The following VPS35L variants were observed in gnomAD, a reference collection of about 807,000 sequenced individuals.
The protein encoded by VPS35L is VPS35 endosomal protein sorting factor like.
VPS35L carries 83 observed loss-of-function variants against 133.0 expected under a neutral mutation model. The ratio of observed to expected loss-of-function variants is 0.62; its 90% CI spans 0.52 to 0.75. The LOEUF (loss-of-function observed/expected upper bound fraction) is 0.75. VPS35L is among the 30% of genes least tolerant of loss of function. The pLI is 0.00. For synonymous variants in VPS35L, 423 were observed against 449.9 expected (o/e 0.94, Z 0.76); for missense variants, 1,083 against 1,206.8 (o/e 0.90, Z 1.52).
chr16:19,573,821 T>A (rs1251770400), intron 4 of VPS35L, among the ~76,000 whole-genome samples: 2 of 151,730 alleles, frequency 1.3e-5, no homozygotes, highest in Non-Finnish European at 1.5e-5. Context: ...TCAAAAAAAA[T>A]TAATTAATTA....
At chr16:19,593,286 C>G (rs923090977) in intron 8 of VPS35L, among the ~76,000 whole-genome samples, 9 of 152,126 alleles carry the variant, frequency 5.9e-5, no homozygotes, top group Non-Finnish European at 2.9e-5. Context: ...GAAATAGGGG[C>G]GCCTTCTGAG....
At chr16:19,650,997 A>G (rs1597395519) in intron 25 of VPS35L, among the ~76,000 whole-genome samples, 1 of 150,574 alleles carries the variant, frequency 6.6e-6, no homozygotes, top group Non-Finnish European at 1.5e-5. Context: ...TCCTACCTCA[A>G]CCTCCTGAGT....
intron 26 of VPS35L, among the ~76,000 whole-genome samples, chr16:19,665,969 A>T (rs538350760): frequency 1.7e-3 from 260 of 149,206 alleles, no homozygotes; most frequent in Non-Finnish European, 1.7e-3. Flanking sequence ...TGCCATTTGT[A>T]TTTTTTTTTT....
At chr16:19,695,708 T>C (rs1221671089) in intron 29 of VPS35L, among the ~76,000 whole-genome samples, 1 of 151,858 alleles carries the variant, frequency 6.6e-6, no homozygotes, top group Admixed American at 6.6e-5. Context: ...CTGGGACTAC[T>C]CAGGAGGCTG....
intron 11 of VPS35L, 137 bp downstream of exon 11, chr16:19,609,158 C>T (rs1414659356): frequency 1.4e-5 from 10 of 723,010 alleles, no homozygotes; most frequent in Admixed American, 1.2e-4. Flanking sequence ...TGTTCTTTTT[C>T]TCATTGAATC....
At chr16:19,651,950 C>CA (rs1974141334) in intron 25 of VPS35L, 26 bp from the exon 26 acceptor site, 1 of 1,496,432 alleles carries the variant, frequency 6.7e-7, no homozygotes, top group African/African-American at 1.4e-5. Context: ...GCACTGCTAG[C>CA]GTTAATGTTT....
At position 19,570,834 on chromosome 16, in the gene VPS35L, C is replaced by CATATATATATAT. The variant is rs58794831; in HGVS notation, c.285+1288_285+1299dup. 1.2e-3 allele frequency among the ~76,000 whole-genome samples: 97 copies of CATATATATATAT among 78,768 alleles called. 1 individual carries two copies. Among genetic ancestry groups the CATATATATATAT allele is most frequent in the Non-Finnish European group, 2.0e-3 (72 of 36,026 alleles). 51.7% of individuals were successfully genotyped at this position (78,768 alleles called of 152,430 possible). A position where few individuals can be genotyped will look rare whatever the true frequency, so the allele number is the denominator to read the frequency against. On this transcript the variant is annotated intron_variant, in intron 3 of 30. Coordinates refer to ENST00000417362, the MANE Select transcript of VPS35L (RefSeq NM_020314.7). ...TCGATCATCATCCTATGCTGTGTTT[C>CATATATATATAT]ATATATATATATATATATATATATA...
At chr16:19,696,253 AC>A (rs1975906684) in intron 29 of VPS35L, among the ~76,000 whole-genome samples, 2 of 152,116 alleles carry the variant, frequency 1.3e-5, no homozygotes, top group Admixed American at 1.3e-4. Context: ...GAAGTCTGGT[AC>A]CCCAAGAGCA....
chr16:19,674,895 T>C (rs1212134898), intron 27 of VPS35L, among the ~76,000 whole-genome samples: 1 of 152,194 alleles, frequency 6.6e-6, no homozygotes, highest in Non-Finnish European at 1.5e-5. Context: ...ATTTCCTTCT[T>C]TTTTAAGGCT....
intron 27 of VPS35L, among the ~76,000 whole-genome samples, chr16:19,679,861 C>T (rs1299329352): frequency 1.3e-5 from 2 of 152,190 alleles, no homozygotes; most frequent in Non-Finnish European, 2.9e-5. Context: ...ATCCCACGCC[C>T]CTCCACAATT....
Position 19,699,788 on chromosome 16 carries a change from T to C in VPS35L, c.2793+140T>C, listed in dbSNP as rs1976050458. The C allele has an allele frequency of 3.4e-6, 4 of 1,162,602 alleles. No homozygotes were observed. In the East Asian group the frequency reaches 1.0e-4, roughly 30 times the overall value. 72.0% of individuals were successfully genotyped at this position (1,162,602 alleles called of 1,614,324 possible). On this transcript the variant is annotated intron_variant, in intron 30 of 30. Coordinates refer to ENST00000417362, the MANE Select transcript of VPS35L (RefSeq NM_020314.7). The surrounding 1 kb of genome is among the most constrained non-coding windows in gnomAD (Gnocchi z 4.2). ...AAGCACTTGGTCCATTTCTACTGGA[T>C]CACTTCCTAGCAGTAAAAAGCAGAG...
intron 1 of VPS35L, among the ~76,000 whole-genome samples, chr16:19,558,138 G>C (rs1044522268): frequency 6.6e-6 from 1 of 152,206 alleles, no homozygotes; most frequent in African/African-American, 2.4e-5. Context: ...ATAATGGTGA[G>C]TGCTGAATAA....
At chr16:19,606,400 G>GA (rs1419307211) in intron 9 of VPS35L, among the ~76,000 whole-genome samples, 2 of 151,882 alleles carry the variant, frequency 1.3e-5, no homozygotes, top group South Asian at 2.1e-4. Flanking sequence ...CTTGAAAGTA[G>GA]AAAAAAAAGT....
At chr16:19,574,395 A>G (rs182991646) in intron 4 of VPS35L, among the ~76,000 whole-genome samples, 2 of 152,304 alleles carry the variant, frequency 1.3e-5, no homozygotes, top group South Asian at 2.1e-4. Flanking sequence ...AGGTGTGATC[A>G]TGGGCCACGC....
chr16:19,591,698 G>A (rs1972048354), intron 7 of VPS35L, 92 bp from the exon 8 acceptor site: 1 of 936,178 alleles, frequency 1.1e-6, no homozygotes, highest in South Asian at 1.4e-5. Context: ...ATCTCAACTT[G>A]TATATAGAAA....
Position 19,581,621 on chromosome 16 carries a change from C to G in VPS35L, c.607C>G (p.Gln203Glu). 2 of 1,614,124 alleles carry G rather than the reference C, an allele frequency of 1.2e-6. No homozygotes were observed. The highest frequency in any genetic ancestry group is 1.7e-6 in the Non-Finnish European group (2 of 1,180,008). Residue 203 changes from glutamine to glutamate, a missense_variant, in exon 7 of 31, where the codon CAG (glutamine) becomes GAG (glutamate). Gln to Glu is a conservative substitution (Grantham distance 29). Coordinates refer to ENST00000417362, the MANE Select transcript of VPS35L (RefSeq NM_020314.7). ...GCTGAAGGATGCCTGGGCCTCAGAC[C>G]AGAAAGTGAAGGCTCTAAAAATAGT... ...QSLKDAWASD[Q>E]KVKALKIVIQ... is the part of the protein sequence containing the mutation.
intron 28 of VPS35L, among the ~76,000 whole-genome samples, chr16:19,684,229 C>T (rs1328539109): frequency 6.6e-6 from 1 of 152,166 alleles, no homozygotes; most frequent in East Asian, 1.9e-4. Context: ...ACAGGACATC[C>T]CAGTTCCAGG....
chr16:19,689,040 CTT>C (rs766276644), intron 28 of VPS35L, among the ~76,000 whole-genome samples: 30 of 134,604 alleles, frequency 2.2e-4, no homozygotes, highest in Non-Finnish European at 2.4e-4. Context: ...GGTGTCTCTT[CTT>C]TTTTTTTTTT....
intron 20 of VPS35L, 81 bp downstream of exon 20, chr16:19,637,737 GCC>G: frequency 1.0e-6 from 1 of 965,022 alleles, no homozygotes; most frequent in Non-Finnish European, 1.6e-6. Flanking sequence ...TTTTCATGAT[GCC>G]CCAGGCCAAA....
Sources: allele counts gnomAD v4.1 joint callset (sites outside exome capture counted in the v4.1 genomes callset), GRCh38; gene constraint gnomAD v4.1.1; non-coding constraint Gnocchi (gnomAD v3.1); transcripts MANE v1.5; gene names NCBI Gene and HGNC (gene_info 2026-07-23, HGNC 2026-07-21).